USP13: variants seen among roughly 807,000 people sequenced by gnomAD.
The protein encoded by USP13 is ubiquitin carboxyl-terminal hydrolase 13.
Under a neutral mutation model 107.8 loss-of-function variants are expected in USP13, and 68 were observed. The ratio of observed to expected loss-of-function variants is 0.63; its 90% CI spans 0.52 to 0.77. The LOEUF (loss-of-function observed/expected upper bound fraction) is 0.77, where lower values mean the gene tolerates loss of function less well. USP13 is among the 30% of genes least tolerant of loss of function. USP13 has a pLI of 0.00. For synonymous variants in USP13, 377 were observed against 389.5 expected (o/e 0.97, Z 0.38); for missense variants, 945 against 1,093.3 (o/e 0.86, Z 1.91).
At chr3:179,780,628 C>G (rs1301510940) in intron 19 of USP13, among the ~76,000 whole-genome samples, 1 of 152,040 alleles carries the variant, frequency 6.6e-6, no homozygotes, top group East Asian at 1.9e-4. Context: ...GCTGTACAAC[C>G]AAGAGAGTCA....
intron 17 of USP13, among the ~76,000 whole-genome samples, chr3:179,761,949 C>A (rs1715026877): frequency 6.6e-6 from 1 of 152,198 alleles, no homozygotes; most frequent in African/African-American, 2.4e-5. Flanking sequence ...AGCTATAATG[C>A]ATATATTCAT....
intron 14 of USP13, among the ~76,000 whole-genome samples, chr3:179,754,448 T>C (rs960399564): frequency 6.6e-6 from 1 of 152,242 alleles, no homozygotes; most frequent in Admixed American, 6.5e-5. Context: ...TCAAACAGAT[T>C]GTGTCTGGGC....
chr3:179,686,092 G>A (rs1010312876), intron 2 of USP13, among the ~76,000 whole-genome samples: 3 of 151,994 alleles, frequency 2.0e-5, no homozygotes, highest in Non-Finnish European at 4.4e-5. Flanking sequence ...CTTCCATTGC[G>A]CCCTCTCCCT....
At chr3:179,767,434 T>TTG (rs1715213365) in intron 19 of USP13, among the ~76,000 whole-genome samples, 2 of 151,612 alleles carry the variant, frequency 1.3e-5, no homozygotes, top group Admixed American at 1.3e-4. Context: ...TTTGGTTTTT[T>TTG]TTTTTTTTGA....
intron 19 of USP13, among the ~76,000 whole-genome samples, chr3:179,767,069 A>G (rs1715198335): frequency 6.6e-6 from 1 of 152,120 alleles, no homozygotes; most frequent in East Asian, 1.9e-4. Context: ...CTTCTCTCCC[A>G]TCACTGCACA....
intron 11 of USP13, among the ~76,000 whole-genome samples, chr3:179,741,195 G>T (rs960234607): frequency 6.6e-6 from 1 of 151,282 alleles, no homozygotes; most frequent in Non-Finnish European, 1.5e-5. Context: ...AGTGTTTTTT[G>T]TTTGTTTGTT....
At chr3:179,761,031 T>C (rs1024916615) in intron 16 of USP13, 81 bp from the exon 17 acceptor site, 80 of 1,539,862 alleles carry the variant, frequency 5.2e-5, no homozygotes, top group Non-Finnish European at 7.1e-5. Context: ...GGGTAGCATG[T>C]GGATAGGAGA....
intron 1 of USP13, among the ~76,000 whole-genome samples, chr3:179,663,556 A>C (rs758125000): frequency 3.3e-5 from 5 of 152,054 alleles, no homozygotes; most frequent in Non-Finnish European, 5.9e-5. Context: ...TCTCACCTGG[A>C]CTGTGGCAGA....
intron 10 of USP13, among the ~76,000 whole-genome samples, chr3:179,733,287 G>A (rs1713869242): frequency 1.3e-5 from 2 of 152,186 alleles, no homozygotes; most frequent in Admixed American, 1.3e-4. Context: ...CCATCCAGCT[G>A]GGTGGGAGAC....
intron 19 of USP13, among the ~76,000 whole-genome samples, chr3:179,767,408 T>G (rs1157926408): frequency 6.6e-6 from 1 of 151,596 alleles, no homozygotes; most frequent in Admixed American, 6.6e-5. Context: ...GCCACTGTAA[T>G]GCATTGTTAG....
intron 2 of USP13, among the ~76,000 whole-genome samples, chr3:179,686,449 G>C (rs1378507640): frequency 6.6e-6 from 1 of 152,182 alleles, no homozygotes; most frequent in Non-Finnish European, 1.5e-5. Context: ...TGGAATGGTG[G>C]CGCATGCCTT....
rs1392620922 is a variant in USP13 at position 179,781,803 on chromosome 3, C to T, written c.2478C>T (p.Cys826=). ...CCACAATGAGTGGTCATTACATTTGCCATATCAAAAAGGAAGGAAGGTGAG... is the reference window on the plus strand; with the variant it reads ...CCACAATGAGTGGTCATTACATTTGTCATATCAAAAAGGAAGGAAGGTGAG... The part of the protein sequence containing the change: ...GTSTMSGHYI[C]HIKKEGRWVI... Residue 826 remains cysteine, a synonymous_variant, in exon 20 of 21, where the codon TGC becomes TGT. Coordinates refer to ENST00000263966, the MANE Select transcript of USP13 (RefSeq NM_003940.3). 2.5e-6 allele frequency: 4 copies of T among 1,613,424 alleles called. No homozygotes were observed. In the African/African-American group the frequency reaches 4.0e-5, roughly 16 times the overall value.
chr3:179,755,376 C>T (rs1714754079), intron 15 of USP13, among the ~76,000 whole-genome samples: 1 of 152,030 alleles, frequency 6.6e-6, no homozygotes, highest in Non-Finnish European at 1.5e-5. Flanking sequence ...CTCACTGCAA[C>T]CTCCACCTCC....
rs569602060 is a variant in USP13 at position 179,750,326 on chromosome 3, G to GTATATATATATATATA, written c.1710-1955_1710-1940dup. Among the ~76,000 whole-genome samples the GTATATATATATATATA allele has an allele frequency of 2.0e-3, 148 of 75,842 alleles. 4 individuals are homozygous for GTATATATATATATATA. Among genetic ancestry groups the GTATATATATATATATA allele is most frequent in the African/African-American group, 5.6e-3 (143 of 25,728 alleles). The allele number at this position is 75,842 out of a possible 152,430, so 49.8% of individuals were successfully genotyped here. On this transcript the variant is annotated intron_variant, in intron 13 of 20. Coordinates refer to ENST00000263966, the MANE Select transcript of USP13 (RefSeq NM_003940.3). Reference sequence around the variant, plus strand: ...TGTGTATATATATATATATATGTGTGTATATATATATATATATATGTATAT... The same window carrying GTATATATATATATATA: ...TGTGTATATATATATATATATGTGTGTATATATATATATATATATATATATATATATATATGTATAT...
intron 19 of USP13, among the ~76,000 whole-genome samples, chr3:179,775,560 G>A (rs1041458587): frequency 5.3e-5 from 8 of 152,230 alleles, no homozygotes; most frequent in Admixed American, 2.0e-4. Context: ...TGGGCACTGC[G>A]GAGCAGGGGG....
At chr3:179,673,654 TG>T (rs1008781177) in intron 1 of USP13, among the ~76,000 whole-genome samples, 2 of 152,174 alleles carry the variant, frequency 1.3e-5, no homozygotes, top group African/African-American at 2.4e-5. Context: ...GGGCAGAGAC[TG>T]GCAGAGTGTG....
intron 12 of USP13, among the ~76,000 whole-genome samples, chr3:179,744,355 GT>G (rs1015804122): frequency 0.011 from 716 of 64,862 alleles, 9 homozygotes; most frequent in African/African-American, 0.024. Context: ...TTTTTTTTTT[GT>G]TTTGTTTTGT....
Position 179,708,958 on chromosome 3 carries a change from G to A in USP13, c.805+1G>A, listed in dbSNP as rs774012587. ...GGAACCATCACTCCTGACGGGGCAG[G>A]TGAGTGCGCCTTTACCGACTTTGGG... On this transcript the variant is annotated splice_donor_variant, in intron 6 of 20. Coordinates refer to ENST00000263966, the MANE Select transcript of USP13 (RefSeq NM_003940.3). LOFTEE classifies it high-confidence loss of function. The A allele has an allele frequency of 1.2e-5, 19 of 1,613,296 alleles. No homozygotes were observed.
Position 179,653,748 on chromosome 3 carries a change from C to G in USP13, c.168+355C>G. The G allele has an allele frequency of 4.8e-6, 1 of 210,260 alleles. No individual in the cohort carries two copies. The allele number at this position is 210,260 out of a possible 1,614,324, so 13.0% of individuals were successfully genotyped here. A position where few individuals can be genotyped will look rare whatever the true frequency, so the allele number is the denominator to read the frequency against. ...GTCCTCCGCGGGGCAGAGCGCAGGG[C>G]GGGTAGGTGGACGGGATGATCCCCC... On this transcript the variant is annotated intron_variant, in intron 1 of 20. Coordinates refer to ENST00000263966, the MANE Select transcript of USP13 (RefSeq NM_003940.3). The surrounding 1 kb of genome is among the most constrained non-coding windows in gnomAD (Gnocchi z 4.0).
Sources: allele counts gnomAD v4.1 joint callset (sites outside exome capture counted in the v4.1 genomes callset), GRCh38; gene constraint gnomAD v4.1.1; non-coding constraint Gnocchi (gnomAD v3.1); transcripts MANE v1.5; gene names NCBI Gene and HGNC (gene_info 2026-07-23, HGNC 2026-07-21).